Variants in B3GNT6 observed in about 807,000 individuals in gnomAD.
The protein encoded by B3GNT6 is acetylgalactosaminyl-O-glycosyl-glycoprotein beta-1,3-N-acetylglucosaminyltransferase.
For synonymous variants in B3GNT6, 300 were observed against 270.0 expected (o/e 1.11, Z -1.09); for missense variants, 624 against 568.6 (o/e 1.10, Z -0.99).
At position 77,040,404 on chromosome 11, in the gene B3GNT6, T is replaced by C. The variant is rs2135379938; in HGVS notation, c.853T>C (p.Phe285Leu). ...CCCGGTGTACTGCAGCGGCGGCGGCTTCCTCCTGTCCGGCCCCACGGCCCG... is the reference window on the plus strand; with the variant it reads ...CCCGGTGTACTGCAGCGGCGGCGGCCTCCTCCTGTCCGGCCCCACGGCCCG... ...AYPVYCSGGG[F>L]LLSGPTARAL... The change falls in exon 2 of 2, where the codon TTC becomes CTC. Residue 285 changes from phenylalanine to leucine, a missense_variant. Coordinates refer to ENST00000622824, the MANE Select transcript of B3GNT6 (RefSeq NM_138706.5). The C allele has an allele frequency of 6.5e-7, 1 of 1,531,200 alleles. No homozygotes were observed. The highest frequency in any genetic ancestry group is 2.5e-5 in the East Asian group (1 of 40,724). The allele number at this position is 1,531,200 out of a possible 1,614,324, so 94.9% of individuals were successfully genotyped here.
chr11:77,035,445 C>T (rs1380934713), intron 1 of B3GNT6, among the ~76,000 whole-genome samples: 1 of 152,222 alleles, frequency 6.6e-6, no homozygotes, highest in Non-Finnish European at 1.5e-5. Flanking sequence ...CCCAAAGTCT[C>T]ACAAACAAGG....
chr11:77,039,798 GAGCAGCTGCCCGCGC>G lies in B3GNT6; in HGVS notation c.248_262del (p.Glu83_Arg88delinsGly), dbSNP rs782401049. 6.3e-7 allele frequency: 1 copy of G among 1,578,452 alleles called. No homozygotes were observed. On this transcript the variant is annotated inframe_deletion, in exon 2 of 2. Transcript: ENST00000622824. ...CTCGGCGAACGCCACGGCCGACTTCGAGCAGCTGCCCGCGCGCATCCAGGACTTCCTGCGGTACCG... is the reference window on the plus strand; with the variant it reads ...CTCGGCGAACGCCACGGCCGACTTCGGCATCCAGGACTTCCTGCGGTACCG...
chr11:77,036,479 A>C (rs1555026951), intron 1 of B3GNT6, among the ~76,000 whole-genome samples: 1 of 152,206 alleles, frequency 6.6e-6, no homozygotes, highest in East Asian at 1.9e-4. Flanking sequence ...CGGTGCAATA[A>C]CACCTATGTG....
Position 77,039,988 on chromosome 11 carries a change from A to G in B3GNT6, c.437A>G (p.Tyr146Cys). The change falls in exon 2 of 2, where the codon TAC becomes TGC. Residue 146 changes from tyrosine to cysteine, a missense_variant. Physicochemically the swap from Tyr to Cys is radical, Grantham distance 194. Transcript: ENST00000622824. ...IRRTWGQERS[Y>C]GGRPVRRLFL... ...CGCACGTGGGGGCAAGAGCGCAGCTACGGCGGGCGGCCAGTGCGCCGCCTC... is the reference window on the plus strand; with the variant it reads ...CGCACGTGGGGGCAAGAGCGCAGCTGCGGCGGGCGGCCAGTGCGCCGCCTC... 1 of 1,578,450 alleles carries G rather than the reference A, an allele frequency of 6.3e-7. No homozygotes were observed.
chr11:77,040,733 G>A lies in B3GNT6; in HGVS notation c.*27G>A, dbSNP rs1023789623. The A allele has an allele frequency of 6.5e-7, 1 of 1,538,698 alleles. No individual in the cohort carries two copies. The highest frequency in any genetic ancestry group is 2.3e-5 in the East Asian group (1 of 43,730). ...GCCAGTTGGGCGGCTTCAGCCCCGG[G>A]CCTCCAACCATGTCCATGCTGAGAA... On this transcript the variant is annotated 3_prime_UTR_variant, in exon 2 of 2. Coordinates refer to ENST00000622824, the MANE Select transcript of B3GNT6 (RefSeq NM_138706.5).
chr11:77,039,675 T>A lies in B3GNT6; in HGVS notation c.124T>A (p.Ser42Thr), dbSNP rs2135378426. 6.2e-7 allele frequency: 1 copy of A among 1,611,946 alleles called. No individual in the cohort carries two copies. Among genetic ancestry groups the A allele is most frequent in the East Asian group, 2.2e-5 (1 of 44,740 alleles). Residue 42 changes from serine (S) to threonine (T), a missense_variant, in exon 2 of 2, where the codon TCC becomes ACC. By Grantham distance (58) the Ser-to-Thr change is moderately conservative. Transcript: ENST00000622824. ...QAPRSPREERSPQEETPEGPT... is the reference protein window; with the variant it reads ...QAPRSPREERTPQEETPEGPT... Reference sequence around the variant, plus strand: ...GCCAAGGTCCCCGCGGGAGGAGAGGTCCCCGCAGGAGGAGACGCCAGAGGG... The same window carrying A: ...GCCAAGGTCCCCGCGGGAGGAGAGGACCCCGCAGGAGGAGACGCCAGAGGG...
At chr11:77,034,976 T>C (rs1555026772) in intron 1 of B3GNT6, among the ~76,000 whole-genome samples, 2 of 152,008 alleles carry the variant, frequency 1.3e-5, no homozygotes, top group African/African-American at 2.4e-5. Flanking sequence ...CTCGCAAACA[T>C]GGTAAAACCT....
In B3GNT6 at chr11:77,040,544, C is replaced by G. The variant is rs782020010; in HGVS notation, c.993C>G (p.Pro331=). Residue 331 remains proline, a synonymous_variant, in exon 2 of 2, where the codon CCC becomes CCG. Transcript: ENST00000622824. ...CCAGCGGCCACGAGGGCATCCGACC[C>G]TTCGGCGTGCAGCTGCCTGGCGCAC... ...LAPSGHEGIR[P]FGVQLPGAQQ... 11 of 1,575,692 alleles carry G rather than the reference C, an allele frequency of 7.0e-6. 1 individual carries two copies. In the South Asian group the frequency reaches 1.3e-4, roughly 18 times the overall value.
In B3GNT6 at chr11:77,041,956, CA is replaced by C. The variant is rs34049682; in HGVS notation, c.*1267del. 863 of 98,534 alleles carry C rather than the reference CA, an allele frequency of 8.8e-3. 3 individuals are homozygous for C. Among genetic ancestry groups the C allele is most frequent in the Non-Finnish European group, 0.011 (534 of 46,718 alleles). 6.1% of individuals were successfully genotyped at this position (98,534 alleles called of 1,614,324 possible). A position where few individuals can be genotyped will look rare whatever the true frequency, so the allele number is the denominator to read the frequency against. Reference sequence around the variant, plus strand: ...TGGGCGACAGAGCAAGACTGCATCTCAAAAAAAAAAAAAAAAAGGAGAGTTT... The same window carrying C: ...TGGGCGACAGAGCAAGACTGCATCTCAAAAAAAAAAAAAAAAGGAGAGTTT... On this transcript the variant is annotated 3_prime_UTR_variant, in exon 2 of 2. Transcript: ENST00000622824.
rs201133190 is a variant in B3GNT6 at position 77,038,185 on chromosome 11, AG to A, written c.1-1362del. On this transcript the variant is annotated intron_variant, in intron 1 of 1. Coordinates refer to ENST00000622824, the MANE Select transcript of B3GNT6 (RefSeq NM_138706.5). ...GAAGAGGAGGAGGAGGTTATTAGAG[AG>A]GGGGAACTGAGCAAAGGGAACTGAG... Among the ~76,000 whole-genome samples the A allele has an allele frequency of 9.3e-3, 1,320 of 141,254 alleles. 8 individuals carry two copies. Among genetic ancestry groups the A allele is most frequent in the Non-Finnish European group, 0.014 (936 of 64,776 alleles). The allele number at this position is 141,254 out of a possible 152,430, so 92.7% of individuals were successfully genotyped here.
intron 1 of B3GNT6, among the ~76,000 whole-genome samples, chr11:77,034,884 C>T (rs558595792): frequency 2.0e-5 from 3 of 152,076 alleles, no homozygotes; most frequent in Non-Finnish European, 2.9e-5. Context: ...CCTGGCCAGG[C>T]GAGATGGCTC....
chr11:77,037,784 A>G (rs1430905245), intron 1 of B3GNT6, among the ~76,000 whole-genome samples: 1 of 148,176 alleles, frequency 6.7e-6, no homozygotes, highest in Admixed American at 6.8e-5. Flanking sequence ...ACTGTGGCAC[A>G]TGCCTGTGGT....
rs1555027759 is a variant in B3GNT6 at position 77,040,447 on chromosome 11, C to T, written c.896C>T (p.Ala299Val). Residue 299 changes from alanine to valine, a missense_variant, in exon 2 of 2, where the codon GCC becomes GTC. Ala to Val is a moderately conservative substitution (Grantham distance 64). Transcript: ENST00000622824. ...ACGGCCCGGGCCCTGCGCGCGGCCGCCCGCCACACCCCGCTCTTCCCCATC... is the reference window on the plus strand; with the variant it reads ...ACGGCCCGGGCCCTGCGCGCGGCCGTCCGCCACACCCCGCTCTTCCCCATC... The part of the protein sequence containing the change: ...GPTARALRAA[A>V]RHTPLFPIDD... The T allele has an allele frequency of 1.3e-6, 2 of 1,533,990 alleles. No individual in the cohort carries two copies. Among genetic ancestry groups the T allele is most frequent in the Non-Finnish European group, 8.7e-7 (1 of 1,145,516 alleles).
chr11:77,040,709 C>T lies in B3GNT6; in HGVS notation c.*3C>T. ...ACCGGGGACACCGGGTCTCCTGAGG[C>T]CAGTTGGGCGGCTTCAGCCCCGGGC... On this transcript the variant is annotated 3_prime_UTR_variant, in exon 2 of 2. Transcript: ENST00000622824. 6.4e-7 allele frequency: 1 copy of T among 1,562,086 alleles called. No homozygotes were observed.
At position 77,040,276 on chromosome 11, in the gene B3GNT6, G is replaced by T; in HGVS notation, c.725G>T (p.Gly242Val). Residue 242 changes from glycine (G) to valine (V), a missense_variant, in exon 2 of 2, where the codon GGC (glycine) becomes GTC (valine). Physicochemically the swap from Gly to Val is moderately radical, Grantham distance 109. Coordinates refer to ENST00000622824, the MANE Select transcript of B3GNT6 (RefSeq NM_138706.5). ...VVRFLQAQPP[G>V]RHLFSGQLME... ...CGCTTCCTGCAGGCGCAGCCACCCGGCCGCCACCTGTTCTCCGGCCAGCTC... is the reference window on the plus strand; with the variant it reads ...CGCTTCCTGCAGGCGCAGCCACCCGTCCGCCACCTGTTCTCCGGCCAGCTC... 6.3e-7 allele frequency: 1 copy of T among 1,595,308 alleles called. No homozygotes were observed. Among genetic ancestry groups the T allele is most frequent in the Non-Finnish European group, 8.5e-7 (1 of 1,178,238 alleles).
chr11:77,035,437 CAA>C (rs1156767047), intron 1 of B3GNT6, among the ~76,000 whole-genome samples: 1 of 152,202 alleles, frequency 6.6e-6, no homozygotes, highest in Admixed American at 6.5e-5. Flanking sequence ...AGGAGTTGCC[CAA>C]AGTCTCACAA....
Position 77,040,728 on chromosome 11 carries a change from C to A in B3GNT6, c.*22C>A. The A allele has an allele frequency of 6.5e-7, 1 of 1,542,268 alleles. No homozygotes were observed. Among genetic ancestry groups the A allele is most frequent in the Non-Finnish European group, 8.7e-7 (1 of 1,151,608 alleles). Reference sequence around the variant, plus strand: ...CTGAGGCCAGTTGGGCGGCTTCAGCCCCGGGCCTCCAACCATGTCCATGCT... The same window carrying A: ...CTGAGGCCAGTTGGGCGGCTTCAGCACCGGGCCTCCAACCATGTCCATGCT... On this transcript the variant is annotated 3_prime_UTR_variant, in exon 2 of 2. Coordinates refer to ENST00000622824, the MANE Select transcript of B3GNT6 (RefSeq NM_138706.5).
In B3GNT6 at chr11:77,039,721, C is replaced by T. The variant is rs782699764; in HGVS notation, c.170C>T (p.Ala57Val). ...GAGGGTCCCACCGACGCTCCCGCGGCTGACGAGCCGCCCTCGGAGCTCGTC... is the reference window on the plus strand; with the variant it reads ...GAGGGTCCCACCGACGCTCCCGCGGTTGACGAGCCGCCCTCGGAGCTCGTC... Reference protein sequence around the residue: ...TPEGPTDAPAADEPPSELVPG... With the variant: ...TPEGPTDAPAVDEPPSELVPG... The change falls in exon 2 of 2, where the codon GCT (alanine) becomes GTT (valine). Residue 57 changes from alanine (A) to valine (V), a missense_variant. Transcript: ENST00000622824. The T allele has an allele frequency of 1.0e-4, 162 of 1,605,788 alleles. No homozygotes were observed. The highest frequency in any genetic ancestry group is 1.2e-4 in the Non-Finnish European group (144 of 1,177,266).
Position 77,039,523 on chromosome 11 carries a change from G to A in B3GNT6, c.1-29G>A, listed in dbSNP as rs782740964. ...CTGCCGGTGTCAAAGACGACTTCCG[G>A]CTCACCTCTGACTCGGTTTCCCCCA... On this transcript the variant is annotated intron_variant, in intron 1 of 1. Coordinates refer to ENST00000622824, the MANE Select transcript of B3GNT6 (RefSeq NM_138706.5). 7 of 1,534,646 alleles carry A rather than the reference G, an allele frequency of 4.6e-6. No homozygotes were observed. The Admixed American group carries it at 1.2e-4, about 26-fold the overall frequency.
Sources: allele counts gnomAD v4.1 joint callset (sites outside exome capture counted in the v4.1 genomes callset), GRCh38; gene constraint gnomAD v4.1.1; transcripts MANE v1.5; gene names NCBI Gene and HGNC (gene_info 2026-07-23, HGNC 2026-07-21).